C10orf90: variants seen among roughly 807,000 people sequenced by gnomAD.
The protein encoded by C10orf90 is (E2-independent) E3 ubiquitin-conjugating enzyme FATS.
C10orf90 carries 56 observed loss-of-function variants against 62.5 expected under a neutral mutation model. The observed-to-expected ratio is 0.90, with a 90% confidence interval of 0.72 to 1.12. The LOEUF (loss-of-function observed/expected upper bound fraction) is 1.12. C10orf90 is among the 50% of genes most tolerant of loss of function. The pLI is 0.00. For synonymous variants in C10orf90, 386 were observed against 340.4 expected, an observed-to-expected ratio of 1.13 and a Z score of -1.47; for missense variants, 970 against 880.4, an observed-to-expected ratio of 1.10 and a Z score of -1.29.
At chr10:126,560,812 A>C (rs539536250) in intron 2 of C10orf90, among the ~76,000 whole-genome samples, 1 of 152,356 alleles carries the variant, frequency 6.6e-6, no homozygotes, top group African/African-American at 2.4e-5. Flanking sequence ...GCGTGGATGC[A>C]TTCCAACAGA....
chr10:126,627,343 T>C (rs1845766326), intron 2 of C10orf90, among the ~76,000 whole-genome samples: 1 of 152,200 alleles, frequency 6.6e-6, no homozygotes, highest in African/African-American at 2.4e-5. Flanking sequence ...TTTTCATTTC[T>C]AAGAACTGGT....
At chr10:126,592,543 C>T (rs1845002374) in intron 2 of C10orf90, among the ~76,000 whole-genome samples, 1 of 152,146 alleles carries the variant, frequency 6.6e-6, no homozygotes, top group Non-Finnish European at 1.5e-5. Flanking sequence ...AAAATTAACT[C>T]AAGTTGGATT....
At chr10:126,544,850 A>G (rs72631159) in intron 2 of C10orf90, among the ~76,000 whole-genome samples, 2 of 900 alleles carry the variant, frequency 2.2e-3, no homozygotes, top group South Asian at 7.8e-3. Context: ...AGTGGTGGGG[A>G]GGACTTTGAT....
chr10:126,658,930 T>A (rs1157067771), intron 1 of C10orf90, among the ~76,000 whole-genome samples: 3 of 152,180 alleles, frequency 2.0e-5, no homozygotes, highest in African/African-American at 7.2e-5. Context: ...CAGATTTTCA[T>A]TTCGCAAGCT....
At position 126,504,295 on chromosome 10, in the gene C10orf90, G is replaced by A; in HGVS notation, c.1196C>T (p.Thr399Ile). Residue 399 changes from threonine to isoleucine, a missense_variant, in exon 4 of 10, where the codon ACA (threonine) becomes ATA (isoleucine). Coordinates refer to ENST00000488181, the MANE Select transcript of C10orf90 (RefSeq NM_001350921.2). The surrounding 1 kb of genome is among the most constrained non-coding windows in gnomAD (Gnocchi z 4.1). ...LNLNCSSHRL[T>I]ADGVDGLVNR... The stretch of plus-strand genomic sequence containing the variant: ...CACTAGGCCATCTACTCCATCTGCT[G>A]TTAATCTGTGGGAACTACAATTGAG... 2 of 1,614,196 alleles carry A rather than the reference G, an allele frequency of 1.2e-6. No homozygotes were observed. Among genetic ancestry groups the A allele is most frequent in the South Asian group, 1.1e-5 (1 of 91,088 alleles).
chr10:126,528,473 T>A (rs1345803206), intron 2 of C10orf90, among the ~76,000 whole-genome samples: 1 of 152,160 alleles, frequency 6.6e-6, no homozygotes, highest in Non-Finnish European at 1.5e-5. Context: ...ACAGGAAAAC[T>A]GCTAGCCTAG....
intron 2 of C10orf90, among the ~76,000 whole-genome samples, chr10:126,589,134 A>G (rs972506699): frequency 1.3e-5 from 2 of 152,224 alleles, no homozygotes; most frequent in Non-Finnish European, 2.9e-5. Flanking sequence ...TTTGGGAAAT[A>G]AGACAGGCAG....
At chr10:126,653,060 C>T (rs180948152) in intron 1 of C10orf90, among the ~76,000 whole-genome samples, 1 of 152,288 alleles carries the variant, frequency 6.6e-6, no homozygotes, top group East Asian at 1.9e-4. Context: ...CTACTTACTG[C>T]TAAAACAAAA....
At chr10:126,443,067 CACAAACTG>C (rs1462119736) in intron 7 of C10orf90, among the ~76,000 whole-genome samples, 1 of 151,904 alleles carries the variant, frequency 6.6e-6, no homozygotes, top group Non-Finnish European at 1.5e-5. Flanking sequence ...ACTGAAAGAG[CACAAACTG>C]ACATTCTAAC....
intron 1 of C10orf90, among the ~76,000 whole-genome samples, chr10:126,658,812 G>A (rs1846448009): frequency 6.6e-6 from 1 of 152,118 alleles, no homozygotes; most frequent in South Asian, 2.1e-4. Flanking sequence ...GCCCAGGCTA[G>A]TCTTGAATGG....
intron 2 of C10orf90, among the ~76,000 whole-genome samples, chr10:126,552,537 G>A (rs1351900204): frequency 1.3e-5 from 2 of 152,158 alleles, no homozygotes; most frequent in South Asian, 2.1e-4. Context: ...AGGCGTTCTC[G>A]CTGCAAAGAC....
At chr10:126,505,501 G>C (rs1208755498) in intron 3 of C10orf90, among the ~76,000 whole-genome samples, 1 of 152,174 alleles carries the variant, frequency 6.6e-6, no homozygotes. Context: ...TGGGAGATTA[G>C]TCAGTAGTCC....
chr10:126,527,122 T>A (rs1028257331), intron 2 of C10orf90, among the ~76,000 whole-genome samples: 7 of 149,586 alleles, frequency 4.7e-5, no homozygotes, highest in African/African-American at 1.7e-4. Flanking sequence ...ATACCACATT[T>A]AAATTTGAGG....
chr10:126,571,360 G>A (rs1844501972), intron 2 of C10orf90, among the ~76,000 whole-genome samples: 2 of 152,186 alleles, frequency 1.3e-5, no homozygotes, highest in South Asian at 4.1e-4. Context: ...GACTGGCCCT[G>A]AGCCCGGTGG....
chr10:126,621,730 G>A (rs776648232), intron 2 of C10orf90, among the ~76,000 whole-genome samples: 2 of 152,120 alleles, frequency 1.3e-5, no homozygotes, highest in African/African-American at 2.4e-5. Context: ...TTCTGAGGCC[G>A]TTCCACTCAT....
At chr10:126,662,391 T>C (rs1162919199) in intron 1 of C10orf90, among the ~76,000 whole-genome samples, 1 of 152,146 alleles carries the variant, frequency 6.6e-6, no homozygotes, top group Non-Finnish European at 1.5e-5. Flanking sequence ...TTGCCAGTTT[T>C]CTCTGTCTGG....
intron 2 of C10orf90, among the ~76,000 whole-genome samples, chr10:126,575,947 A>C (rs1179211813): frequency 6.6e-6 from 1 of 152,148 alleles, no homozygotes; most frequent in East Asian, 1.9e-4. Flanking sequence ...ACCTAAATGT[A>C]AGACCCCAAA....
At chr10:126,489,661 A>G (rs1305430734) in intron 4 of C10orf90, among the ~76,000 whole-genome samples, 1 of 152,078 alleles carries the variant, frequency 6.6e-6, no homozygotes, top group Admixed American at 6.6e-5. Context: ...GGAAAACAGA[A>G]TAACAGTTCC....
At chr10:126,507,171 C>A (rs184410426) in intron 3 of C10orf90, among the ~76,000 whole-genome samples, 1 of 152,022 alleles carries the variant, frequency 6.6e-6, no homozygotes, top group African/African-American at 2.4e-5. Flanking sequence ...TCCTGGCTAA[C>A]ACGGTGAAAC....
Sources: gnomAD v4.1 joint callset for allele counts (sites outside exome capture counted in the v4.1 genomes callset) on GRCh38, gnomAD v4.1.1 for gene constraint, Gnocchi (gnomAD v3.1) non-coding constraint, MANE v1.5 for transcripts, NCBI Gene and HGNC (gene_info 2026-07-23, HGNC 2026-07-21) for gene names.